Variants in RAPGEF4 observed in about 807,000 individuals in gnomAD.
RAPGEF4 encodes RAP guanine-nucleotide-exchange factor (GEF) 4.
Under a neutral mutation model 147.9 loss-of-function variants are expected in RAPGEF4, and 66 were observed. The observed-to-expected ratio is 0.45, with a 90% CI of 0.37 to 0.55. The LOEUF (loss-of-function observed/expected upper bound fraction) is 0.55. RAPGEF4 is among the 20% of genes least tolerant of loss of function. The probability of loss-of-function intolerance (pLI) is 0.00; values close to 1 mark genes in which losing one functional copy is unlikely to be tolerated. For synonymous variants in RAPGEF4, 419 were observed against 442.7 expected, an observed-to-expected ratio of 0.95 and a Z score of 0.67; for missense variants, 1,071 against 1,257.3, an observed-to-expected ratio of 0.85 and a Z score of 2.24.
At chr2:172,741,879 C>T (rs1413781012) in intron 1 of RAPGEF4, among the ~76,000 whole-genome samples, 1 of 152,104 alleles carries the variant, frequency 6.6e-6, no homozygotes, top group Non-Finnish European at 1.5e-5. Flanking sequence ...CCCTATGTTG[C>T]CCAGGCTGGT....
At chr2:173,015,855 A>C (rs1214277029) in intron 18 of RAPGEF4, among the ~76,000 whole-genome samples, 5 of 152,222 alleles carry the variant, frequency 3.3e-5, no homozygotes, top group Admixed American at 1.3e-4. Context: ...AGTGACACCT[A>C]GTCAATAAAC....
chr2:172,784,323 C>G (rs1684975817), intron 1 of RAPGEF4, among the ~76,000 whole-genome samples: 1 of 152,092 alleles, frequency 6.6e-6, no homozygotes, highest in African/African-American at 2.4e-5. Flanking sequence ...TCGAGACCAT[C>G]TTGGCTAACA....
chr2:173,012,930 C>G (rs757977329), intron 17 of RAPGEF4, among the ~76,000 whole-genome samples: 9 of 152,190 alleles, frequency 5.9e-5, no homozygotes, highest in Non-Finnish European at 1.0e-4. Context: ...TAAATGCATG[C>G]AAGCAAGAGA....
intron 10 of RAPGEF4, among the ~76,000 whole-genome samples, chr2:172,979,262 ACATCTCCCTCAGGACG>A (rs1691420875): frequency 6.6e-6 from 1 of 152,154 alleles, no homozygotes; most frequent in Non-Finnish European, 1.5e-5. Context: ...GAATAAGGAC[ACATCTCCCTCAGGACG>A]CAAAAGAACT....
chr2:172,895,770 G>T (rs1389095945), intron 4 of RAPGEF4, among the ~76,000 whole-genome samples: 1 of 152,088 alleles, frequency 6.6e-6, no homozygotes, highest in Non-Finnish European at 1.5e-5. Context: ...GGGGTAAAAA[G>T]AACACTTTCT....
chr2:172,983,596 G>A lies in RAPGEF4; in HGVS notation c.1089+16G>A. The A allele has an allele frequency of 6.2e-7, 1 of 1,612,016 alleles. No homozygotes were observed. The highest frequency in any genetic ancestry group is 8.5e-7 in the Non-Finnish European group (1 of 1,179,514). Reference sequence around the variant, plus strand: ...TTCTACCACAGTAAGTTGTCTCTTAGTTTAGCATGGTTGGAGCACTTTGCA... The same window carrying A: ...TTCTACCACAGTAAGTTGTCTCTTAATTTAGCATGGTTGGAGCACTTTGCA... On this transcript the variant is annotated intron_variant, in intron 11 of 30. Coordinates refer to ENST00000397081, the MANE Select transcript of RAPGEF4 (RefSeq NM_007023.4).
At chr2:172,824,693 C>A (rs1032100641) in intron 4 of RAPGEF4, among the ~76,000 whole-genome samples, 6 of 152,198 alleles carry the variant, frequency 3.9e-5, no homozygotes, top group African/African-American at 1.4e-4. Context: ...ATTCCACCAT[C>A]CCACAAATGC....
At chr2:173,041,434 T>G (rs1453448905) in intron 29 of RAPGEF4, among the ~76,000 whole-genome samples, 1 of 152,170 alleles carries the variant, frequency 6.6e-6, no homozygotes, top group African/African-American at 2.4e-5. Flanking sequence ...CAACATAATG[T>G]GTGGAGTGTC....
chr2:172,886,997 G>A (rs891652894), intron 4 of RAPGEF4, among the ~76,000 whole-genome samples: 2 of 152,064 alleles, frequency 1.3e-5, no homozygotes, highest in African/African-American at 4.8e-5. Context: ...ACACCAACGT[G>A]GCCAACATGG....
chr2:172,817,500 A>C (rs1688618630), intron 4 of RAPGEF4, among the ~76,000 whole-genome samples: 1 of 152,220 alleles, frequency 6.6e-6, no homozygotes, highest in Non-Finnish European at 1.5e-5. Context: ...TCATACTGTC[A>C]GCTGAAGCCT....
At chr2:172,976,998 G>A (rs911101973) in intron 10 of RAPGEF4, among the ~76,000 whole-genome samples, 2 of 152,152 alleles carry the variant, frequency 1.3e-5, no homozygotes, top group Non-Finnish European at 2.9e-5. Context: ...GTGGCACCAC[G>A]CAGATTTGTA....
At chr2:172,748,505 C>T (rs1292588088) in intron 1 of RAPGEF4, among the ~76,000 whole-genome samples, 1 of 152,134 alleles carries the variant, frequency 6.6e-6, no homozygotes, top group Admixed American at 6.5e-5. Flanking sequence ...GACTTATCCA[C>T]TACCACAAGA....
Position 172,797,608 on chromosome 2 carries a change from C to G in RAPGEF4, c.292C>G (p.His98Asp). The change falls in exon 3 of 31, where the codon CAC becomes GAC. Residue 98 changes from histidine to aspartate, a missense_variant. His to Asp is a moderately conservative substitution (Grantham distance 81). Transcript: ENST00000397081. ...TGTTAAAGTATCTGAGACCAGCAGT[C>G]ACCAGGTAATATGGTCTATTTTTTT... is the stretch of plus-strand genomic sequence containing the variant. ...LDVKVSETSS[H>D]QDAVTICTLG... 2 of 1,611,100 alleles carry G rather than the reference C, an allele frequency of 1.2e-6. No individual in the cohort carries two copies. The highest frequency in any genetic ancestry group is 2.2e-5 in the South Asian group (2 of 90,776).
At chr2:172,813,872 T>C (rs1324145300) in intron 3 of RAPGEF4, among the ~76,000 whole-genome samples, 1 of 152,182 alleles carries the variant, frequency 6.6e-6, no homozygotes, top group East Asian at 1.9e-4. Flanking sequence ...TATGGGAAAC[T>C]ACTCATGAAT....
chr2:172,966,887 G>A (rs1339099679), intron 9 of RAPGEF4, among the ~76,000 whole-genome samples: 6 of 152,228 alleles, frequency 3.9e-5, no homozygotes, highest in Non-Finnish European at 7.3e-5. Context: ...ACTTTCCAAA[G>A]CTGTGACAGA....
At chr2:172,774,854 A>T (rs911596070) in intron 1 of RAPGEF4, among the ~76,000 whole-genome samples, 1 of 152,208 alleles carries the variant, frequency 6.6e-6, no homozygotes, top group Non-Finnish European at 1.5e-5. Context: ...TACATGCTAG[A>T]CATGTACCAG....
rs765282781 is a variant in RAPGEF4, at chr2:173,014,464, C to G, written c.1659C>G (p.His553Gln). The change falls in exon 18 of 31, where the codon CAC (histidine) becomes CAG (glutamine). Residue 553 changes from histidine to glutamine, a missense_variant and splice_region_variant. His to Gln is a conservative substitution (Grantham distance 24, BLOSUM62 0). Coordinates refer to ENST00000397081, the MANE Select transcript of RAPGEF4 (RefSeq NM_007023.4). ...AATTTCTTCCTTGACTCCTCGGCACCTACCACGCACAGCCTTCACAAGGTA... is the reference window on the plus strand; with the variant it reads ...AATTTCTTCCTTGACTCCTCGGCACGTACCACGCACAGCCTTCACAAGGTA... ...NTQLCPALVA[H>Q]YHAQPSQGTE... The G allele has an allele frequency of 3.7e-6, 6 of 1,613,532 alleles. No individual in the cohort carries two copies. The highest frequency in any genetic ancestry group is 1.3e-5 in the African/African-American group (1 of 74,888).
chr2:172,853,839 A>G (rs1693123019), intron 4 of RAPGEF4, among the ~76,000 whole-genome samples: 1 of 151,178 alleles, frequency 6.6e-6, no homozygotes, highest in South Asian at 2.1e-4. Flanking sequence ...TTTGTTTCCT[A>G]CATATCTTGT....
intron 26 of RAPGEF4, among the ~76,000 whole-genome samples, chr2:173,031,051 G>A (rs1411383064): frequency 2.0e-5 from 3 of 152,180 alleles, no homozygotes; most frequent in African/African-American, 7.2e-5. Flanking sequence ...AGAGGGCAAG[G>A]AGTATGTATT....
Sources: gnomAD v4.1 joint callset for allele counts (sites outside exome capture counted in the v4.1 genomes callset) on GRCh38, gnomAD v4.1.1 for gene constraint, MANE v1.5 for transcripts, NCBI Gene and HGNC (gene_info 2026-07-23, HGNC 2026-07-21) for gene names.